Variants in NUP210L observed in about 807,000 individuals in gnomAD.
NUP210L encodes nucleoporin 210 like.
In NUP210L, 74 loss-of-function variants were observed where a neutral mutation model predicts 208.5. That is an observed-to-expected ratio of 0.35 (90% CI 0.29 to 0.43). The LOEUF is 0.43. NUP210L is among the 20% of genes least tolerant of loss of function. NUP210L has a pLI of 1.00. For synonymous variants in NUP210L, 780 were observed against 816.9 expected, an observed-to-expected ratio of 0.95 and a Z score of 0.77; for missense variants, 1,843 against 2,289.4, an observed-to-expected ratio of 0.81 and a Z score of 3.98.
At chr1:154,135,432 T>C (rs1658483665) in intron 7 of NUP210L, among the ~76,000 whole-genome samples, 1 of 152,076 alleles carries the variant, frequency 6.6e-6, no homozygotes, top group African/African-American at 2.4e-5. Context: ...AATCTTTTTT[T>C]TTTTTTTGAG....
chr1:154,020,029 A>G lies in NUP210L; in HGVS notation c.4517-960T>C, dbSNP rs77769668. Among the ~76,000 whole-genome samples the G allele has an allele frequency of 7.6e-3, 1,160 of 152,344 alleles. 13 individuals carry two copies. The highest frequency in any genetic ancestry group is 0.027 in the African/African-American group (1,117 of 41,582). ...GATTGTAACTCTCATTGCCAACCTT[A>G]AAGTAGGTTTAGCTCATTGGTCCTG... is the stretch of plus-strand genomic sequence containing the variant. On this transcript the variant is annotated intron_variant, in intron 32 of 39. Transcript: ENST00000368559.
intron 13 of NUP210L, among the ~76,000 whole-genome samples, chr1:154,101,402 C>T (rs1042911822): frequency 1.3e-5 from 2 of 151,674 alleles, no homozygotes; most frequent in Non-Finnish European, 2.9e-5. Context: ...GCTTGAACCC[C>T]GGAGGCGGAG....
At chr1:154,059,163 T>C (rs1654015203) in intron 20 of NUP210L, among the ~76,000 whole-genome samples, 1 of 152,076 alleles carries the variant, frequency 6.6e-6, no homozygotes. Context: ...GGTGAAACCC[T>C]GTCTTTACCC....
intron 27 of NUP210L, among the ~76,000 whole-genome samples, chr1:154,032,179 C>G (rs1034911074): frequency 9.2e-5 from 14 of 152,096 alleles, no homozygotes; most frequent in African/African-American, 3.1e-4. Context: ...GAGCAGATAC[C>G]TCCTTGATAT....
At chr1:154,118,961 T>C (rs1328383887) in intron 10 of NUP210L, among the ~76,000 whole-genome samples, 153 bp from the exon 11 acceptor site, 1 of 152,098 alleles carries the variant, frequency 6.6e-6, no homozygotes, top group African/African-American at 2.4e-5. Context: ...TTTCTCTTCA[T>C]TAAATAAGCA....
At chr1:154,114,777 A>T (rs1337536809) in intron 12 of NUP210L, among the ~76,000 whole-genome samples, 3 of 61,704 alleles carry the variant, frequency 4.9e-5, no homozygotes, top group African/African-American at 1.1e-4. Context: ...TTTTTAAGAG[A>T]TGGGGGGGGG....
chr1:154,108,368 G>A (rs1413507594), intron 12 of NUP210L, among the ~76,000 whole-genome samples: 1 of 152,124 alleles, frequency 6.6e-6, no homozygotes, highest in Non-Finnish European at 1.5e-5. Flanking sequence ...ATGTTGGCCA[G>A]GATGGTCTCG....
intron 12 of NUP210L, among the ~76,000 whole-genome samples, chr1:154,112,658 C>T (rs928857228): frequency 6.6e-6 from 1 of 151,358 alleles, no homozygotes; most frequent in Non-Finnish European, 1.5e-5. Flanking sequence ...GAGTTCAAGT[C>T]CACCCTGGGC....
intron 31 of NUP210L, 110 bp from the exon 32 acceptor site, chr1:154,022,453 GGAAT>G: frequency 4.9e-6 from 4 of 817,170 alleles, no homozygotes; most frequent in Non-Finnish European, 6.1e-6. Flanking sequence ...AAGTTCAGAA[GGAAT>G]TCCACAATAA....
chr1:154,092,733 TTTG>T (rs1347027454), intron 15 of NUP210L, among the ~76,000 whole-genome samples: 2 of 148,634 alleles, frequency 1.3e-5, no homozygotes, highest in South Asian at 2.3e-4. Context: ...GTTTTGTTTG[TTTG>T]TTTTTTGAGA....
intron 13 of NUP210L, among the ~76,000 whole-genome samples, chr1:154,103,342 C>G (rs1014106389): frequency 3.4e-5 from 5 of 145,664 alleles, no homozygotes; most frequent in Non-Finnish European, 6.0e-5. Context: ...TGCAGTGAGC[C>G]GAGATCGTGC....
At chr1:154,053,747 G>A (rs534479840) in intron 25 of NUP210L, among the ~76,000 whole-genome samples, 1 of 152,204 alleles carries the variant, frequency 6.6e-6, no homozygotes, top group East Asian at 1.9e-4. Flanking sequence ...CTTATCACTG[G>A]CTTGCTGTCT....
chr1:154,054,551 G>A (rs1653704866), intron 24 of NUP210L, 144 bp from the exon 25 acceptor site: 2 of 819,868 alleles, frequency 2.4e-6, no homozygotes, highest in East Asian at 5.3e-5. Flanking sequence ...AAATGCAGAA[G>A]AAATGGAAGT....
intron 31 of NUP210L, among the ~76,000 whole-genome samples, 197 bp downstream of exon 31, chr1:154,022,925 C>T (rs541506699): frequency 6.8e-4 from 103 of 152,144 alleles, no homozygotes; most frequent in African/African-American, 2.5e-3. Context: ...GATCCTCCCT[C>T]CTCAGCCTCC....
intron 30 of NUP210L, among the ~76,000 whole-genome samples, chr1:154,024,293 A>G (rs772628245): frequency 6.6e-6 from 1 of 152,200 alleles, no homozygotes; most frequent in African/African-American, 2.4e-5. Flanking sequence ...TCATAGCTTT[A>G]TCATTTCATA....
intron 38 of NUP210L, among the ~76,000 whole-genome samples, chr1:153,994,097 C>G (rs747114990): frequency 2.6e-5 from 4 of 152,020 alleles, no homozygotes; most frequent in Non-Finnish European, 4.4e-5. Context: ...CCAGGCTGGT[C>G]TTAAATTCCT....
chr1:154,109,490 CAGAT>C, intron 12 of NUP210L, among the ~76,000 whole-genome samples: 1 of 151,546 alleles, frequency 6.6e-6, no homozygotes, highest in East Asian at 1.9e-4. Flanking sequence ...ATTATCCAGA[CAGAT>C]AATCAACAAA....
At chr1:154,073,747 G>A (rs976742945) in intron 16 of NUP210L, among the ~76,000 whole-genome samples, 1 of 151,502 alleles carries the variant, frequency 6.6e-6, no homozygotes, top group Non-Finnish European at 1.5e-5. Flanking sequence ...CCTGGGAGGT[G>A]GGGGTTGCAG....
exon 39 of NUP210L, chr1:153,993,029 C>T (rs1394555401): frequency 1.2e-6 from 2 of 1,613,414 alleles, no homozygotes; most frequent in South Asian, 1.1e-5. Context: ...CTGTGGTGTT[C>T]CTAGAGTTGG....
Sources: allele counts gnomAD v4.1 joint callset (sites outside exome capture counted in the v4.1 genomes callset), GRCh38; gene constraint gnomAD v4.1.1; transcripts MANE v1.5; gene names NCBI Gene and HGNC (gene_info 2026-07-23, HGNC 2026-07-21).